Variants in KIAA1217 observed in about 807,000 individuals in gnomAD.
The protein encoded by KIAA1217 is KIAA1217, also known as sickle tail protein homolog.
A neutral mutation model predicts 163.9 loss-of-function variants in KIAA1217; 88 were observed. The observed-to-expected ratio is 0.54, with a 90% CI of 0.45 to 0.64. The LOEUF (loss-of-function observed/expected upper bound fraction) is 0.64. Among genes scored for constraint, KIAA1217 ranks in the 30% least tolerant of loss-of-function variants. The probability of loss-of-function intolerance (pLI) is 0.00; values close to 1 mark genes in which losing one functional copy is unlikely to be tolerated. For missense variants in KIAA1217, 2,372 were observed against 2,475.0 expected, an observed-to-expected ratio of 0.96 and a Z score of 0.88; for synonymous variants, 903 against 923.1, an observed-to-expected ratio of 0.98 and a Z score of 0.39.
At chr10:24,268,292 G>A (rs1395860195) in intron 2 of KIAA1217, among the ~76,000 whole-genome samples, 1 of 152,150 alleles carries the variant, frequency 6.6e-6, no homozygotes, top group Admixed American at 6.5e-5. Flanking sequence ...GGTGAATGGT[G>A]TAAAACTTCA....
At chr10:23,811,275 T>C (rs1837036796) in intron 1 of KIAA1217, among the ~76,000 whole-genome samples, 1 of 145,364 alleles carries the variant, frequency 6.9e-6, no homozygotes, top group South Asian at 2.1e-4. Flanking sequence ...TATCTATATA[T>C]AGATTATACA....
intron 2 of KIAA1217, among the ~76,000 whole-genome samples, chr10:24,040,402 G>A (rs761324495): frequency 2.6e-5 from 4 of 152,184 alleles, no homozygotes; most frequent in Admixed American, 2.0e-4. Context: ...AAAGAAAGGC[G>A]ACTGCTAATA....
intron 1 of KIAA1217, among the ~76,000 whole-genome samples, chr10:23,997,600 C>T (rs977441640): frequency 2.6e-5 from 4 of 152,158 alleles, no homozygotes; most frequent in African/African-American, 9.7e-5. Flanking sequence ...CTATGTGAAA[C>T]CTTCTCTACC....
intron 1 of KIAA1217, among the ~76,000 whole-genome samples, chr10:23,897,944 G>A (rs1429561734): frequency 6.6e-6 from 1 of 151,074 alleles, no homozygotes; most frequent in East Asian, 1.9e-4. Flanking sequence ...TTTTAAAAAC[G>A]CTCTCTCCTG....
intron 3 of KIAA1217, among the ~76,000 whole-genome samples, chr10:24,427,677 T>C (rs1308145442): frequency 6.6e-6 from 1 of 152,086 alleles, no homozygotes; most frequent in African/African-American, 2.4e-5. Flanking sequence ...CATCCCTTCT[T>C]CATAAAAAGG....
chr10:23,881,740 G>C (rs1481473078), intron 1 of KIAA1217, among the ~76,000 whole-genome samples: 2 of 151,930 alleles, frequency 1.3e-5, no homozygotes, highest in Non-Finnish European at 2.9e-5. Flanking sequence ...GGGCAGCTTG[G>C]ATATGTTGCT....
At chr10:24,457,159 G>C (rs754840581) in intron 5 of KIAA1217, among the ~76,000 whole-genome samples, 1 of 152,150 alleles carries the variant, frequency 6.6e-6, no homozygotes, top group Non-Finnish European at 1.5e-5. Flanking sequence ...CTCTCTGGGA[G>C]AAGTGTTGCT....
intron 6 of KIAA1217, among the ~76,000 whole-genome samples, chr10:24,491,625 G>C (rs565682054): frequency 6.6e-5 from 10 of 152,104 alleles, no homozygotes; most frequent in Admixed American, 3.3e-4. Context: ...CTCCTTTGTT[G>C]GACGATGTAA....
At chr10:23,983,727 T>A (rs528063194) in intron 1 of KIAA1217, among the ~76,000 whole-genome samples, 2 of 152,320 alleles carry the variant, frequency 1.3e-5, no homozygotes, top group African/African-American at 4.8e-5. Context: ...GCCTTCCCTC[T>A]TGACTGCAAA....
intron 14 of KIAA1217, among the ~76,000 whole-genome samples, chr10:24,528,320 T>TG (rs34078651): frequency 0.3 from 42,477 of 142,180 alleles, 6,232 homozygotes; most frequent in Middle Eastern, 0.41. Context: ...TTTTTTTTTT[T>TG]TGTTTTTTTT....
rs191156870 is a variant in KIAA1217 at position 24,292,900 on chromosome 10, A to G, written c.354+72991A>G. Among the ~76,000 whole-genome samples the G allele has an allele frequency of 1.4e-4, 22 of 152,270 alleles. No individual in the cohort carries two copies. The East Asian group carries it at 3.9e-3, about 27-fold the overall frequency. ...AAAAAGAAGAAAGGTGGCCTGAAAT[A>G]TGATCTGAGTATATCTGGAAATACG... On this transcript the variant is annotated intron_variant, in intron 2 of 20. Transcript: ENST00000376454.
intron 5 of KIAA1217, among the ~76,000 whole-genome samples, chr10:24,444,672 A>G (rs1441609817): frequency 1.3e-5 from 2 of 152,310 alleles, no homozygotes; most frequent in East Asian, 3.9e-4. Context: ...TCTATCATTA[A>G]TGAGGACCCA....
intron 5 of KIAA1217, among the ~76,000 whole-genome samples, chr10:24,460,547 C>T (rs996634194): frequency 6.6e-6 from 1 of 152,128 alleles, no homozygotes; most frequent in Non-Finnish European, 1.5e-5. Flanking sequence ...CCCTCTGGGA[C>T]TATTCCCTCA....
chr10:23,832,416 C>G (rs770732726), intron 1 of KIAA1217, among the ~76,000 whole-genome samples: 5 of 152,130 alleles, frequency 3.3e-5, no homozygotes, highest in Admixed American at 6.6e-5. Flanking sequence ...CTTTCTGAGC[C>G]CTGTCCTTTC....
intron 1 of KIAA1217, among the ~76,000 whole-genome samples, chr10:23,876,108 A>G (rs561253672): frequency 1.2e-4 from 18 of 152,064 alleles, no homozygotes; most frequent in Non-Finnish European, 5.9e-5. Context: ...TTAAAAAAAA[A>G]AAAGAAAATG....
rs199830736 is a variant in KIAA1217, at chr10:24,266,774, G to T, written c.354+46865G>T. The stretch of plus-strand genomic sequence containing the variant: ...GATAGGACAGAAATCGAATTTGGGA[G>T]GGGACAAATAAGGGAATAAATGCTG... On this transcript the variant is annotated intron_variant, in intron 2 of 20. Coordinates refer to ENST00000376454, the MANE Select transcript of KIAA1217 (RefSeq NM_019590.5). Among the ~76,000 whole-genome samples, 3 of 152,302 alleles carry T rather than the reference G, an allele frequency of 2.0e-5. No homozygotes were observed. The East Asian group carries it at 5.8e-4, about 29-fold the overall frequency.
intron 2 of KIAA1217, among the ~76,000 whole-genome samples, chr10:24,269,870 G>C (rs907471106): frequency 3.3e-5 from 5 of 152,098 alleles, no homozygotes; most frequent in African/African-American, 1.2e-4. Flanking sequence ...TAAAGATTGG[G>C]GCCCCGTACT....
chr10:24,490,294 A>G (rs1297403985), intron 6 of KIAA1217, among the ~76,000 whole-genome samples: 1 of 152,244 alleles, frequency 6.6e-6, no homozygotes, highest in Admixed American at 6.5e-5. Context: ...ACCAAGCGAT[A>G]TTGGCAAGAA....
chr10:23,701,732 T>C (rs1286725368), intron 1 of KIAA1217, among the ~76,000 whole-genome samples: 1 of 152,250 alleles, frequency 6.6e-6, no homozygotes, highest in African/African-American at 2.4e-5. Context: ...GCTGTTTAAA[T>C]GCCCTGTTGT....
Sources: allele counts gnomAD v4.1 joint callset (sites outside exome capture counted in the v4.1 genomes callset), GRCh38; gene constraint gnomAD v4.1.1; transcripts MANE v1.5; gene names NCBI Gene and HGNC (gene_info 2026-07-23, HGNC 2026-07-21).